Variants in PPFIA2 observed in about 807,000 individuals in gnomAD.
PPFIA2 encodes PPFI scaffold protein A2, also known as liprin-alpha-2.
Under a neutral mutation model 175.5 loss-of-function variants are expected in PPFIA2, and 46 were observed. The ratio of observed to expected loss-of-function variants is 0.26; its 90% CI spans 0.21 to 0.34. The LOEUF (loss-of-function observed/expected upper bound fraction) is 0.34, where lower values mean the gene tolerates loss of function less well. Among genes scored for constraint, PPFIA2 ranks in the 10% least tolerant of loss-of-function variants. The probability of loss-of-function intolerance (pLI) is 1.00; values close to 1 mark genes in which losing one functional copy is unlikely to be tolerated. For synonymous variants in PPFIA2, 568 were observed against 511.4 expected (o/e 1.11, Z -1.49); for missense variants, 1,179 against 1,506.1 (o/e 0.78, Z 3.60).
intron 22 of PPFIA2, among the ~76,000 whole-genome samples, chr12:81,307,670 C>A (rs2049628995): frequency 3.9e-5 from 6 of 152,146 alleles, no homozygotes; most frequent in Admixed American, 3.9e-4. Context: ...TCCCTTCCAA[C>A]CTCCACTGAG....
chr12:81,576,315 T>C lies in PPFIA2; in HGVS notation c.303+100476A>G, dbSNP rs142693638. Among the ~76,000 whole-genome samples the C allele has an allele frequency of 1.7e-3, 258 of 151,854 alleles. 1 individual carries two copies. Among genetic ancestry groups the C allele is most frequent in the Non-Finnish European group, 1.7e-3 (114 of 67,850 alleles). On this transcript the variant is annotated intron_variant, in intron 4 of 32. Transcript: ENST00000549396. ...CCAGATGGAGTGAGGAAGGGAAGAC[T>C]GAAAAGCAGTCCAGACACATGGCTG...
intron 22 of PPFIA2, chr12:81,302,140 T>C: frequency 2.5e-6 from 1 of 404,444 alleles, no homozygotes; most frequent in Non-Finnish European, 4.9e-6. Flanking sequence ...AATTGTGTCC[T>C]ATAATGTTTT....
At chr12:81,438,954 C>G (rs1264250957) in intron 7 of PPFIA2, among the ~76,000 whole-genome samples, 2 of 151,848 alleles carry the variant, frequency 1.3e-5, no homozygotes, top group Non-Finnish European at 2.9e-5. Context: ...ATTAATCAAC[C>G]CTCTTCATTA....
At chr12:81,445,484 T>C (rs1027551169) in intron 6 of PPFIA2, 72 bp downstream of exon 6, 4 of 1,440,832 alleles carry the variant, frequency 2.8e-6, no homozygotes, top group African/African-American at 2.9e-5. Flanking sequence ...GGTGAGTCAA[T>C]GGATGAAGAC....
At chr12:81,438,889 T>C (rs1218365924) in intron 7 of PPFIA2, among the ~76,000 whole-genome samples, 15 of 152,126 alleles carry the variant, frequency 9.9e-5, no homozygotes, top group Non-Finnish European at 2.9e-5. Flanking sequence ...CCTACTGATC[T>C]AGATCTATGG....
chr12:81,730,794 T>G (rs1184669997), intron 3 of PPFIA2, among the ~76,000 whole-genome samples: 2 of 151,560 alleles, frequency 1.3e-5, no homozygotes, highest in African/African-American at 4.8e-5. Flanking sequence ...ATGTTCCAAT[T>G]AAATGTTATT....
chr12:81,502,979 T>C (rs1282385857), intron 4 of PPFIA2, among the ~76,000 whole-genome samples: 2 of 152,086 alleles, frequency 1.3e-5, no homozygotes, highest in Admixed American at 1.3e-4. Context: ...CTATGGAAAT[T>C]TTAAGAGAGA....
chr12:81,328,822 T>C (rs1265908303), intron 21 of PPFIA2, among the ~76,000 whole-genome samples: 12 of 149,110 alleles, frequency 8.0e-5, no homozygotes, highest in South Asian at 6.4e-4. Flanking sequence ...TTCTTTCTTT[T>C]TTTTTTTTTT....
chr12:81,606,070 A>G (rs2060282405), intron 4 of PPFIA2, among the ~76,000 whole-genome samples: 1 of 151,898 alleles, frequency 6.6e-6, no homozygotes, highest in Admixed American at 6.6e-5. Context: ...AAAATGCAGT[A>G]TTTGGTTTTC....
intron 5 of PPFIA2, among the ~76,000 whole-genome samples, chr12:81,454,489 A>G (rs2053231837): frequency 6.6e-6 from 1 of 152,198 alleles, no homozygotes; most frequent in South Asian, 2.1e-4. Context: ...TGAGTTAAAC[A>G]TGTAAAACAT....
chr12:81,297,270 A>G (rs2046702341), intron 23 of PPFIA2, among the ~76,000 whole-genome samples: 1 of 151,876 alleles, frequency 6.6e-6, no homozygotes, highest in South Asian at 2.1e-4. Flanking sequence ...CTATTCCCAG[A>G]CTCCTGACCC....
intron 8 of PPFIA2, among the ~76,000 whole-genome samples, chr12:81,386,083 T>C (rs111744136): frequency 6.6e-6 from 1 of 151,448 alleles, no homozygotes; most frequent in East Asian, 1.9e-4. Flanking sequence ...GAGACCAGCC[T>C]GGGTGACATA....
intron 16 of PPFIA2, 139 bp from the exon 17 acceptor site, chr12:81,353,478 T>G (rs1018320649): frequency 9.6e-6 from 6 of 623,656 alleles, no homozygotes; most frequent in Admixed American, 2.8e-5. Context: ...ACATTTTAAT[T>G]TATTTGCTTC....
intron 4 of PPFIA2, among the ~76,000 whole-genome samples, chr12:81,585,157 C>A (rs2075133617): frequency 6.8e-6 from 1 of 146,088 alleles, no homozygotes; most frequent in African/African-American, 2.5e-5. Flanking sequence ...AGGGCACTTA[C>A]CATAAATGGA....
At position 81,443,845 on chromosome 12, in the gene PPFIA2, C is replaced by CTTTTTTTT. The variant is rs1183160145; in HGVS notation, c.570+1703_570+1710dup. Among the ~76,000 whole-genome samples the CTTTTTTTT allele has an allele frequency of 1.1e-3, 76 of 71,168 alleles. 7 individuals are homozygous for CTTTTTTTT. The highest frequency in any genetic ancestry group is 1.5e-3 in the Non-Finnish European group (54 of 36,470). 46.7% of individuals were successfully genotyped at this position (71,168 alleles called of 152,430 possible). A position where few individuals can be genotyped will look rare whatever the true frequency, so the allele number is the denominator to read the frequency against. ...ATACCTAGATCAAATGCCAACCTTT[C>CTTTTTTTT]TTTTTTTTTTTTTTTTTTTTTTTTT... On this transcript the variant is annotated intron_variant, in intron 6 of 32. Coordinates refer to ENST00000549396, the MANE Select transcript of PPFIA2 (RefSeq NM_003625.5).
chr12:81,711,328 A>C (rs981550353), intron 3 of PPFIA2, among the ~76,000 whole-genome samples: 1 of 151,450 alleles, frequency 6.6e-6, no homozygotes, highest in African/African-American at 2.4e-5. Context: ...ATTGGCTTTG[A>C]TCATTATAAA....
chr12:81,731,485 A>G (rs2080900611), intron 3 of PPFIA2, among the ~76,000 whole-genome samples: 1 of 151,708 alleles, frequency 6.6e-6, no homozygotes. Context: ...AAACATTGCG[A>G]GCAAATGCAT....
chr12:81,725,715 G>T (rs1355853912), intron 3 of PPFIA2, among the ~76,000 whole-genome samples: 1 of 150,768 alleles, frequency 6.6e-6, no homozygotes, highest in Non-Finnish European at 1.5e-5. Context: ...GGAAATAAAA[G>T]TAAGTTGAAA....
rs769846374 is a variant in PPFIA2, at chr12:81,630,894, TATA to T, written c.303+45894_303+45896del. 2.2e-3 allele frequency among the ~76,000 whole-genome samples: 134 copies of T among 60,612 alleles called. No homozygotes were observed. In the Middle Eastern group the frequency reaches 0.025, roughly 11 times the overall value. 39.8% of individuals were successfully genotyped at this position (60,612 alleles called of 152,430 possible). On this transcript the variant is annotated intron_variant, in intron 4 of 32. Coordinates refer to ENST00000549396, the MANE Select transcript of PPFIA2 (RefSeq NM_003625.5). ...TCTATGGAAAGGCTATATATATATA[TATA>T]TATTTTTTTTTTTTTTCCAGACAGA...
Sources: allele counts gnomAD v4.1 joint callset (sites outside exome capture counted in the v4.1 genomes callset), GRCh38; gene constraint gnomAD v4.1.1; transcripts MANE v1.5; gene names NCBI Gene and HGNC (gene_info 2026-07-23, HGNC 2026-07-21).